DPP10: variants seen among roughly 807,000 people sequenced by gnomAD.
DPP10 encodes dipeptidyl peptidase like 10, also known as inactive dipeptidyl peptidase 10.
DPP10 carries 33 observed loss-of-function variants against 120.9 expected under a neutral mutation model. The observed-to-expected ratio is 0.27, with a 90% CI of 0.21 to 0.37. DPP10 has a LOEUF of 0.37. Ranked by LOEUF, DPP10 falls within the 10% of genes least tolerant of loss-of-function variation. The pLI is 1.00. For synonymous variants in DPP10, 337 were observed against 326.1 expected, an observed-to-expected ratio of 1.03 and a Z score of -0.36; for missense variants, 816 against 942.8, an observed-to-expected ratio of 0.87 and a Z score of 1.76.
chr2:114,812,231 A>G (rs1027963237), intron 1 of DPP10, among the ~76,000 whole-genome samples: 3 of 152,130 alleles, frequency 2.0e-5, no homozygotes, highest in African/African-American at 7.2e-5. Flanking sequence ...AGAAGTTAGA[A>G]AGTCTTAAGA....
chr2:114,760,539 AAT>A (rs757017581), intron 1 of DPP10, among the ~76,000 whole-genome samples: 19 of 149,070 alleles, frequency 1.3e-4, no homozygotes, highest in South Asian at 1.3e-3. Context: ...CTATATATTA[AAT>A]ATATATATAT....
intron 5 of DPP10, among the ~76,000 whole-genome samples, chr2:115,623,067 G>A (rs889030628): frequency 1.3e-5 from 2 of 151,864 alleles, no homozygotes; most frequent in African/African-American, 2.4e-5. Context: ...GGATGGTCTC[G>A]ATCTCCTGAC....
chr2:114,721,061 G>C (rs545659070), intron 1 of DPP10, among the ~76,000 whole-genome samples: 32 of 152,362 alleles, frequency 2.1e-4, no homozygotes, highest in African/African-American at 7.7e-4. Context: ...ACGTTACACA[G>C]CATAACCTAT....
intron 3 of DPP10, among the ~76,000 whole-genome samples, chr2:115,437,584 C>T (rs979000431): frequency 2.6e-5 from 4 of 151,964 alleles, no homozygotes; most frequent in African/African-American, 9.7e-5. Context: ...CACAGATAAA[C>T]GTATATGTGG....
At chr2:114,931,907 C>T (rs1696097084) in intron 1 of DPP10, among the ~76,000 whole-genome samples, 1 of 152,158 alleles carries the variant, frequency 6.6e-6, no homozygotes, top group African/African-American at 2.4e-5. Context: ...TTGCATGGGA[C>T]ATAATTATAC....
chr2:115,450,215 T>C (rs1349658528), intron 3 of DPP10, among the ~76,000 whole-genome samples: 1 of 152,008 alleles, frequency 6.6e-6, no homozygotes, highest in Non-Finnish European at 1.5e-5. Context: ...TAGACTGTAG[T>C]TGGGCAAAAT....
At chr2:114,490,539 G>A (rs1205803492) in intron 1 of DPP10, among the ~76,000 whole-genome samples, 1 of 152,140 alleles carries the variant, frequency 6.6e-6, no homozygotes, top group Non-Finnish European at 1.5e-5. Flanking sequence ...AAGACTCAAT[G>A]CACATTCAGA....
At chr2:115,386,917 C>A (rs1376996045) in intron 3 of DPP10, among the ~76,000 whole-genome samples, 2 of 149,934 alleles carry the variant, frequency 1.3e-5, no homozygotes, top group Non-Finnish European at 3.0e-5. Flanking sequence ...AAAAAAAAAA[C>A]TGTAAGAATA....
intron 1 of DPP10, among the ~76,000 whole-genome samples, chr2:115,218,250 G>T (rs2056945182): frequency 6.6e-6 from 1 of 152,038 alleles, no homozygotes; most frequent in Non-Finnish European, 1.5e-5. Flanking sequence ...TGTAAAAATT[G>T]AACTCAAGAG....
intron 1 of DPP10, among the ~76,000 whole-genome samples, chr2:114,802,483 C>A (rs1476171002): frequency 3.3e-5 from 5 of 150,174 alleles, no homozygotes; most frequent in Non-Finnish European, 7.4e-5. Context: ...GGATTCTATC[C>A]TCTTCCCTGC....
At chr2:115,192,105 G>A (rs532744817) in intron 1 of DPP10, among the ~76,000 whole-genome samples, 12 of 152,126 alleles carry the variant, frequency 7.9e-5, no homozygotes, top group Non-Finnish European at 1.6e-4. Flanking sequence ...CAGTACCTGG[G>A]CTAATTTCTT....
At chr2:115,448,626 C>A (rs1021496198) in intron 3 of DPP10, among the ~76,000 whole-genome samples, 1 of 151,938 alleles carries the variant, frequency 6.6e-6, no homozygotes, top group Non-Finnish European at 1.5e-5. Context: ...AAATTCTGAT[C>A]ATTAAAAAGG....
At chr2:115,490,056 T>C (rs2076019657) in intron 3 of DPP10, among the ~76,000 whole-genome samples, 1 of 152,190 alleles carries the variant, frequency 6.6e-6, no homozygotes, top group Non-Finnish European at 1.5e-5. Context: ...ACTGATGACA[T>C]GTAAACCTTC....
intron 1 of DPP10, among the ~76,000 whole-genome samples, chr2:115,100,321 T>A (rs1293932978): frequency 6.6e-6 from 1 of 152,110 alleles, no homozygotes; most frequent in Admixed American, 6.5e-5. Flanking sequence ...TGGTGGCACA[T>A]GCCTGTAGTC....
intron 1 of DPP10, among the ~76,000 whole-genome samples, chr2:115,081,442 T>C (rs1056203603): frequency 6.6e-6 from 1 of 152,228 alleles, no homozygotes. Flanking sequence ...CTATGATATA[T>C]TTTTCCAGAA....
chr2:115,610,511 G>GTGTGTGTGTGTGTA (rs56136090), intron 5 of DPP10, among the ~76,000 whole-genome samples: 228 of 150,494 alleles, frequency 1.5e-3, no homozygotes, highest in East Asian at 2.2e-3. Context: ...GTGTGTGTGT[G>GTGTGTGTGTGTGTA]TGTTTTCAAC....
At chr2:114,554,494 C>T (rs1002356004) in intron 1 of DPP10, among the ~76,000 whole-genome samples, 5 of 152,180 alleles carry the variant, frequency 3.3e-5, no homozygotes, top group African/African-American at 9.7e-5. Context: ...AGAAGATAAC[C>T]TACCTATTAC....
At chr2:115,497,479 C>T (rs543576619) in intron 3 of DPP10, among the ~76,000 whole-genome samples, 4 of 151,996 alleles carry the variant, frequency 2.6e-5, no homozygotes, top group East Asian at 3.9e-4. Context: ...AGCTACTTGT[C>T]GAGTGTTTTG....
intron 1 of DPP10, among the ~76,000 whole-genome samples, chr2:114,964,753 G>A (rs1465783915): frequency 6.6e-6 from 1 of 152,176 alleles, no homozygotes; most frequent in African/African-American, 2.4e-5. Flanking sequence ...CATGGTGAAG[G>A]TTTTGGCTTT....
Sources: gnomAD v4.1 joint callset for allele counts (sites outside exome capture counted in the v4.1 genomes callset) on GRCh38, gnomAD v4.1.1 for gene constraint, MANE v1.5 for transcripts, NCBI Gene and HGNC (gene_info 2026-07-23, HGNC 2026-07-21) for gene names.